The following ABCC4 variants were observed in gnomAD, a reference collection of about 807,000 sequenced individuals.
The protein encoded by ABCC4 is ATP-binding cassette sub-family C member 4.
Under a neutral mutation model 168.5 loss-of-function variants are expected in ABCC4, and 102 were observed. The ratio of observed to expected loss-of-function variants is 0.61; its 90% confidence interval spans 0.52 to 0.71. The LOEUF (loss-of-function observed/expected upper bound fraction) is 0.71. Among genes scored for constraint, ABCC4 ranks in the 30% least tolerant of loss-of-function variants. The pLI is 0.00. For missense variants in ABCC4, 1,402 were observed against 1,605.8 expected (o/e 0.87, Z 2.17); for synonymous variants, 617 against 590.7 (o/e 1.04, Z -0.65).
At chr13:95,300,956 C>A (rs1278225784) in intron 1 of ABCC4, among the ~76,000 whole-genome samples, 1 of 152,118 alleles carries the variant, frequency 6.6e-6, no homozygotes, top group African/African-American at 2.4e-5. Flanking sequence ...TGCTCCTCCT[C>A]CCCCGAGCCC....
rs1455460267 is a variant in ABCC4, at chr13:95,226,281, CA to C, written c.531+8328del. 2.6e-5 allele frequency among the ~76,000 whole-genome samples: 4 copies of C among 151,866 alleles called. No individual in the cohort carries two copies. The East Asian group carries it at 7.8e-4, about 29-fold the overall frequency. ...GAAAATGCAAGAGACTTAGAATAGT[CA>C]AAACAATCATAAAAGAAAAACAGGT... On this transcript the variant is annotated intron_variant, in intron 4 of 30. Coordinates refer to ENST00000645237, the MANE Select transcript of ABCC4 (RefSeq NM_005845.5).
Position 95,206,022 on chromosome 13 carries a change from A to C in ABCC4, c.1161+510T>G, listed in dbSNP as rs11843272. Among the ~76,000 whole-genome samples the C allele has an allele frequency of 9.7e-3, 1,481 of 152,328 alleles. 27 individuals carry two copies. Among genetic ancestry groups the C allele is most frequent in the East Asian group, 0.08 (412 of 5,182 alleles). On this transcript the variant is annotated intron_variant, in intron 8 of 30. Coordinates refer to ENST00000645237, the MANE Select transcript of ABCC4 (RefSeq NM_005845.5). ...AGGAAAGAAATGGCAGAGGTCCTAA[A>C]GGCATGCACAGAAATTAACAAGGAA...
At chr13:95,114,186 C>T (rs2035295576) in intron 20 of ABCC4, among the ~76,000 whole-genome samples, 1 of 152,184 alleles carries the variant, frequency 6.6e-6, no homozygotes, top group African/African-American at 2.4e-5. Context: ...ACGCCCTTGT[C>T]TCTCTGGTTA....
intron 25 of ABCC4, among the ~76,000 whole-genome samples, chr13:95,068,583 A>C (rs1483085650): frequency 1.3e-5 from 2 of 152,172 alleles, no homozygotes; most frequent in African/African-American, 2.4e-5. Context: ...GCGCCACTGC[A>C]CTCCAGCCTA....
intron 21 of ABCC4, among the ~76,000 whole-genome samples, chr13:95,082,667 T>C (rs2034134778): frequency 6.6e-6 from 1 of 152,230 alleles, no homozygotes; most frequent in Admixed American, 6.5e-5. Context: ...ATACATTGCT[T>C]CTGACACCTC....
At chr13:95,097,937 A>G (rs1337439849) in intron 20 of ABCC4, among the ~76,000 whole-genome samples, 1 of 151,998 alleles carries the variant, frequency 6.6e-6, no homozygotes, top group African/African-American at 2.4e-5. Flanking sequence ...GGAGTTTCAG[A>G]CCAACCTGGG....
chr13:95,246,637 G>GT (rs1594373229), intron 3 of ABCC4, among the ~76,000 whole-genome samples: 1 of 152,192 alleles, frequency 6.6e-6, no homozygotes. Flanking sequence ...TTGACCAGGA[G>GT]TGACTCTTAG....
At chr13:95,130,792 A>G (rs1052445105) in intron 19 of ABCC4, among the ~76,000 whole-genome samples, 4 of 152,266 alleles carry the variant, frequency 2.6e-5, no homozygotes, top group African/African-American at 7.2e-5. Context: ...ACAATTACCA[A>G]TTTGAACTGA....
At chr13:95,296,011 G>A (rs140806099) in intron 1 of ABCC4, among the ~76,000 whole-genome samples, 57 of 149,652 alleles carry the variant, frequency 3.8e-4, no homozygotes, top group Non-Finnish European at 6.4e-4. Context: ...GCGTGCACCT[G>A]TAGCTCAGCT....
chr13:95,086,738 C>T (rs2034269426), intron 20 of ABCC4, among the ~76,000 whole-genome samples: 1 of 152,192 alleles, frequency 6.6e-6, no homozygotes, highest in South Asian at 2.1e-4. Context: ...TGCCATCCAT[C>T]CTTCTGGCTC....
At chr13:95,189,996 A>G (rs2038203689) in intron 9 of ABCC4, among the ~76,000 whole-genome samples, 1 of 152,120 alleles carries the variant, frequency 6.6e-6, no homozygotes, top group African/African-American at 2.4e-5. Context: ...GCATGTTTTT[A>G]CATATACTAA....
At chr13:95,162,056 ACAGTGGGGGTAACTT>A (rs1182760047) in intron 18 of ABCC4, among the ~76,000 whole-genome samples, 1 of 152,244 alleles carries the variant, frequency 6.6e-6, no homozygotes, top group African/African-American at 2.4e-5. Flanking sequence ...AATGCTAAAT[ACAGTGGGGGTAACTT>A]CTATAACAAA....
Position 95,106,931 on chromosome 13 carries a change from T to TG in ABCC4, c.2535+8990dup, listed in dbSNP as rs201998710. 7.2e-4 allele frequency among the ~76,000 whole-genome samples: 109 copies of TG among 152,118 alleles called. 2 individuals are homozygous for TG. The East Asian group carries it at 0.021, about 29-fold the overall frequency. Reference sequence around the variant, plus strand: ...GTCTAAAATCAAATACATGGGGCTGTGGGGGAGTTCAGATCCTTTACAGAC... The same window carrying TG: ...GTCTAAAATCAAATACATGGGGCTGTGGGGGGAGTTCAGATCCTTTACAGAC... On this transcript the variant is annotated intron_variant, in intron 20 of 30. Transcript: ENST00000645237.
rs113808256 is a variant in ABCC4 at position 95,215,923 on chromosome 13, AAAC to A, written c.532-5145_532-5143del. Among the ~76,000 whole-genome samples, 36 of 150,372 alleles carry A rather than the reference AAAC, an allele frequency of 2.4e-4. 1 individual carries two copies. The highest frequency in any genetic ancestry group is 8.0e-4 in the African/African-American group (32 of 40,198). On this transcript the variant is annotated intron_variant, in intron 4 of 30. Transcript: ENST00000645237. ...TAAAATCAACACCAAAGAAACAAACAAACAACAACAACAAAACACTGCTCACAT... is the reference window on the plus strand; with the variant it reads ...TAAAATCAACACCAAAGAAACAAACAAACAACAACAAAACACTGCTCACAT...
At chr13:95,269,601 C>T (rs2138876020) in intron 1 of ABCC4, among the ~76,000 whole-genome samples, 1 of 152,118 alleles carries the variant, frequency 6.6e-6, no homozygotes, top group South Asian at 2.1e-4. Context: ...ATTTCTTGAT[C>T]TGGTTGCTAC....
chr13:95,146,988 T>G (rs981407713), intron 19 of ABCC4, among the ~76,000 whole-genome samples: 2 of 152,224 alleles, frequency 1.3e-5, no homozygotes, highest in African/African-American at 2.4e-5. Context: ...ACAAACAACC[T>G]ATTTTTGACT....
intron 19 of ABCC4, among the ~76,000 whole-genome samples, chr13:95,133,007 C>T (rs1383123024): frequency 6.7e-6 from 1 of 148,780 alleles, no homozygotes; most frequent in South Asian, 2.1e-4. Context: ...GACAGCTGCA[C>T]AATAATGCAA....
rs1051750457 is a variant in ABCC4 at position 95,233,454 on chromosome 13, C to T, written c.531+1156G>A. On this transcript the variant is annotated intron_variant, in intron 4 of 30. Transcript: ENST00000645237. The stretch of plus-strand genomic sequence containing the variant: ...ATAAGTGGGAGGTAATCATTGGGTA[C>T]AGATGGACATAAAGATGAGAACAAA... Among the ~76,000 whole-genome samples the T allele has an allele frequency of 2.0e-5, 3 of 151,924 alleles. No individual in the cohort carries two copies. In the East Asian group the frequency reaches 5.8e-4, roughly 29 times the overall value.
chr13:95,276,035 C>T (rs1313668700), intron 1 of ABCC4, among the ~76,000 whole-genome samples: 2 of 152,070 alleles, frequency 1.3e-5, no homozygotes. Context: ...CAAAAAGCTG[C>T]CATACATGGT....
Sources: gnomAD v4.1 joint callset for allele counts (sites outside exome capture counted in the v4.1 genomes callset) on GRCh38, gnomAD v4.1.1 for gene constraint, MANE v1.5 for transcripts, NCBI Gene and HGNC (gene_info 2026-07-23, HGNC 2026-07-21) for gene names.